VNN1: variants seen among roughly 807,000 people sequenced by gnomAD.
The protein encoded by VNN1 is vanin 1.
Under a neutral mutation model 41.9 loss-of-function variants are expected in VNN1, and 29 were observed. The observed-to-expected ratio is 0.69, with a 90% confidence interval of 0.52 to 0.94. The LOEUF (loss-of-function observed/expected upper bound fraction) is 0.94. Among genes scored for constraint, VNN1 ranks in the 40% least tolerant of loss-of-function variants. VNN1 has a pLI of 0.00. For synonymous variants in VNN1, 233 were observed against 224.4 expected (o/e 1.04, Z -0.34); for missense variants, 637 against 621.1 (o/e 1.03, Z -0.27).
chr6:132,713,953 G>A lies in VNN1; in HGVS notation c.83C>T (p.Ala28Val), dbSNP rs1319113046. ...CAATATCGCTGCATGCTCATAAACA[G>A]CTGCAGTGAAAGTGTCCTGGCAGCT... ...RASCQDTFTA[A>V]VYEHAAILPN... is the part of the protein sequence containing the mutation. Residue 28 changes from alanine (A) to valine (V), a missense_variant, in exon 1 of 7, where the codon GCT becomes GTT. Transcript: ENST00000367928. 3.1e-6 allele frequency: 5 copies of A among 1,614,058 alleles called. No homozygotes were observed. Among genetic ancestry groups the A allele is most frequent in the Non-Finnish European group, 2.5e-6 (3 of 1,180,036 alleles).
intron 1 of VNN1, among the ~76,000 whole-genome samples, chr6:132,713,148 A>G (rs1778628241): frequency 6.6e-6 from 1 of 152,178 alleles, no homozygotes; most frequent in Non-Finnish European, 1.5e-5. Flanking sequence ...AACACAAAAG[A>G]ATATATATTT....
intron 2 of VNN1, among the ~76,000 whole-genome samples, chr6:132,696,607 C>T (rs76856074): frequency 0.013 from 1,954 of 152,110 alleles, 77 homozygotes; most frequent in Admixed American, 0.079. Flanking sequence ...ATAAGATTAT[C>T]GGCAGATTTC....
intron 5 of VNN1, among the ~76,000 whole-genome samples, chr6:132,690,936 G>GA (rs1301920710): frequency 1.3e-5 from 2 of 152,164 alleles, no homozygotes; most frequent in Admixed American, 6.5e-5. Context: ...GAAATATCCA[G>GA]GAACCCCTCT....
At chr6:132,713,607 A>G (rs922161126) in intron 1 of VNN1, among the ~76,000 whole-genome samples, 10 of 152,218 alleles carry the variant, frequency 6.6e-5, no homozygotes, top group African/African-American at 1.9e-4. Context: ...CTTGATAATG[A>G]GCAAATTGTT....
intron 2 of VNN1, among the ~76,000 whole-genome samples, chr6:132,698,506 G>C (rs989151048): frequency 6.6e-6 from 1 of 152,212 alleles, no homozygotes; most frequent in Non-Finnish European, 1.5e-5. Context: ...TAGGCTTACT[G>C]AAGAAACAAT....
intron 2 of VNN1, among the ~76,000 whole-genome samples, chr6:132,710,740 T>C (rs538752110): frequency 3.3e-5 from 5 of 152,332 alleles, no homozygotes; most frequent in African/African-American, 1.2e-4. Flanking sequence ...CTGTGGTATA[T>C]ATGTGCCACA....
chr6:132,705,552 C>T (rs1778507310), intron 2 of VNN1, among the ~76,000 whole-genome samples: 3 of 152,110 alleles, frequency 2.0e-5, no homozygotes, highest in Admixed American at 2.0e-4. Context: ...ATGACAGACC[C>T]ATGGCTGGTA....
intron 2 of VNN1, among the ~76,000 whole-genome samples, chr6:132,698,431 C>T (rs1439273469): frequency 6.6e-6 from 1 of 152,178 alleles, no homozygotes; most frequent in African/African-American, 2.4e-5. Context: ...CCAGGCAGAG[C>T]TGTCCAAGCA....
intron 2 of VNN1, among the ~76,000 whole-genome samples, chr6:132,710,562 C>A (rs1177244981): frequency 6.6e-6 from 1 of 152,086 alleles, no homozygotes; most frequent in African/African-American, 2.4e-5. Flanking sequence ...GTGATGTTCC[C>A]CTCCTTGTGT....
At chr6:132,684,727 A>G (rs1463815338) in intron 5 of VNN1, among the ~76,000 whole-genome samples, 5 of 152,134 alleles carry the variant, frequency 3.3e-5, no homozygotes, top group Non-Finnish European at 7.3e-5. Flanking sequence ...CTCTTAAAAA[A>G]AAAACATGAG....
chr6:132,684,576 C>A (rs1282343542), intron 5 of VNN1, 71 bp from the exon 6 acceptor site: 5 of 1,532,376 alleles, frequency 3.3e-6, no homozygotes, highest in Non-Finnish European at 3.6e-6. Flanking sequence ...TTGATTTAAT[C>A]ATTTCACGGT....
intron 2 of VNN1, among the ~76,000 whole-genome samples, chr6:132,697,594 T>A (rs1582773327): frequency 6.6e-6 from 1 of 151,836 alleles, no homozygotes. Flanking sequence ...AAATGGTTAT[T>A]GAAGAATAGC....
rs1211828554 is a variant in VNN1, at chr6:132,682,651, T to C, written c.*489A>G. 6.5e-6 allele frequency: 1 copy of C among 152,688 alleles called. No individual in the cohort carries two copies. Among genetic ancestry groups the C allele is most frequent in the Non-Finnish European group, 1.5e-5 (1 of 68,476 alleles). 9.5% of individuals were successfully genotyped at this position (152,688 alleles called of 1,614,324 possible). A position where few individuals can be genotyped will look rare whatever the true frequency, so the allele number is the denominator to read the frequency against. On this transcript the variant is annotated 3_prime_UTR_variant, in exon 7 of 7. Transcript: ENST00000367928. ...CTCCAAATACAGTCACATTCTGAGG[T>C]GCTTCAACATGTAAATTTTGGGGAG...
At chr6:132,709,398 G>A (rs6941705) in intron 2 of VNN1, among the ~76,000 whole-genome samples, 49,121 of 151,962 alleles carry the variant, frequency 0.32, 8,715 homozygotes, top group African/African-American at 0.48. Context: ...GCAGCTGGGC[G>A]TGATGACTCA....
chr6:132,693,701 G>A (rs1778325442), intron 3 of VNN1, among the ~76,000 whole-genome samples: 1 of 152,062 alleles, frequency 6.6e-6, no homozygotes, highest in African/African-American at 2.4e-5. Context: ...CCATTGCCAG[G>A]GTATGCCTTT....
intron 4 of VNN1, 56 bp downstream of exon 4, chr6:132,692,968 T>A: frequency 6.6e-7 from 1 of 1,504,918 alleles, no homozygotes; most frequent in Non-Finnish European, 8.9e-7. Context: ...ACATGTTTTT[T>A]TTTTCTTTTC....
At chr6:132,700,069 T>C (rs1778428866) in intron 2 of VNN1, among the ~76,000 whole-genome samples, 1 of 152,206 alleles carries the variant, frequency 6.6e-6, no homozygotes, top group African/African-American at 2.4e-5. Flanking sequence ...ACAAAAAGTT[T>C]AAACCATATG....
In VNN1 at chr6:132,713,973, G is replaced by A. The variant is rs768805734; in HGVS notation, c.63C>T (p.Cys21=). The A allele has an allele frequency of 6.2e-7, 1 of 1,614,156 alleles. No homozygotes were observed. The highest frequency in any genetic ancestry group is 2.2e-5 in the East Asian group (1 of 44,860). Residue 21 remains cysteine, a synonymous_variant, in exon 1 of 7, where the codon TGC becomes TGT. Transcript: ENST00000367928. The part of the protein sequence containing the change: ...ILLFYVSRAS[C]QDTFTAAVYE... ...AAACAGCTGCAGTGAAAGTGTCCTG[G>A]CAGCTGGCTCTTGAGACATAGAAAA...
chr6:132,696,948 A>T (rs918721898), intron 2 of VNN1, among the ~76,000 whole-genome samples: 5 of 151,968 alleles, frequency 3.3e-5, no homozygotes, highest in Admixed American at 1.3e-4. Flanking sequence ...CACTAAAAAT[A>T]CAAAAAATTA....
Sources: allele counts gnomAD v4.1 joint callset (sites outside exome capture counted in the v4.1 genomes callset), GRCh38; gene constraint gnomAD v4.1.1; transcripts MANE v1.5; gene names NCBI Gene and HGNC (gene_info 2026-07-23, HGNC 2026-07-21).